The following CDC14A variants were observed in gnomAD, a reference collection of about 807,000 sequenced individuals.
CDC14A encodes cell division cycle 14A, also known as dual specificity protein phosphatase CDC14A.
Under a neutral mutation model 74.4 loss-of-function variants are expected in CDC14A, and 53 were observed. The observed-to-expected ratio is 0.71, with a 90% CI of 0.57 to 0.89. The LOEUF (loss-of-function observed/expected upper bound fraction) is 0.89. Ranked by LOEUF, CDC14A falls within the 40% of genes least tolerant of loss-of-function variation. The pLI is 0.00. For synonymous variants in CDC14A, 247 were observed against 258.4 expected (o/e 0.96, Z 0.43); for missense variants, 646 against 713.7 (o/e 0.91, Z 1.08).
chr1:100,438,155 A>G (rs1160654939), intron 5 of CDC14A, among the ~76,000 whole-genome samples: 1 of 152,190 alleles, frequency 6.6e-6, no homozygotes, highest in Non-Finnish European at 1.5e-5. Context: ...TCCTTCCTCA[A>G]AATTGTAGTG....
chr1:100,390,813 G>T lies in CDC14A; in HGVS notation c.298G>T (p.Gly100Cys), dbSNP rs1388853977. ...AAGAGCAAATGCAGCATTTTTGATA[G>T]GTGCCTATGCAGTAAGTACCTTCTT... ...RKRANAAFLI[G>C]AYAVIYLKKT... The change falls in exon 4 of 16, where the codon GGT (glycine) becomes TGT (cysteine). Residue 100 changes from glycine (G) to cysteine (C), a missense_variant. Gly to Cys is a radical substitution (Grantham distance 159). Transcript: ENST00000336454. 8 of 1,609,210 alleles carry T rather than the reference G, an allele frequency of 5.0e-6. No homozygotes were observed. The highest frequency in any genetic ancestry group is 1.3e-5 in the African/African-American group (1 of 74,754).
chr1:100,449,515 T>C (rs1665910963), intron 7 of CDC14A, among the ~76,000 whole-genome samples: 1 of 152,156 alleles, frequency 6.6e-6, no homozygotes, highest in Non-Finnish European at 1.5e-5. Flanking sequence ...CGGTGGCGGC[T>C]TCTGAGCTTT....
chr1:100,345,055 G>A (rs1269853443), exon 1 of CDC14A: 4 of 152,204 alleles, frequency 2.6e-5, no homozygotes, highest in African/African-American at 9.7e-5. Flanking sequence ...CATTGAGGAT[G>A]CCTGAATGGG....
intron 15 of CDC14A, among the ~76,000 whole-genome samples, chr1:100,511,532 C>G (rs2392163): frequency 6.6e-6 from 1 of 152,090 alleles, no homozygotes; most frequent in East Asian, 1.9e-4. Flanking sequence ...TCCCAGCTTC[C>G]TCTGGGTGTT....
chr1:100,404,385 T>C (rs972069534), intron 4 of CDC14A, among the ~76,000 whole-genome samples: 1 of 152,242 alleles, frequency 6.6e-6, no homozygotes, highest in Admixed American at 6.5e-5. Context: ...CTCTTCTGCC[T>C]TAGCTTTGCT....
At chr1:100,473,664 A>G (rs1223095108) in intron 10 of CDC14A, among the ~76,000 whole-genome samples, 2 of 152,202 alleles carry the variant, frequency 1.3e-5, no homozygotes, top group Admixed American at 1.3e-4. Flanking sequence ...CTGGGATTAC[A>G]GGTGTGAGCC....
chr1:100,357,761 A>AAT (rs1222553797), intron 2 of CDC14A, among the ~76,000 whole-genome samples: 1 of 147,212 alleles, frequency 6.8e-6, no homozygotes, highest in Admixed American at 6.9e-5. Context: ...AAAAAAAAAA[A>AAT]GAAAGAAATG....
intron 4 of CDC14A, among the ~76,000 whole-genome samples, chr1:100,412,761 A>T (rs1319944902): frequency 9.9e-6 from 1 of 101,500 alleles, no homozygotes; most frequent in Non-Finnish European, 1.9e-5. Flanking sequence ...TATTTTATAT[A>T]TATATATTAT....
intron 4 of CDC14A, among the ~76,000 whole-genome samples, chr1:100,422,903 A>G (rs962403235): frequency 1.3e-5 from 2 of 152,188 alleles, no homozygotes; most frequent in Non-Finnish European, 2.9e-5. Context: ...AGCTCAAAGA[A>G]GGTCTGTAAG....
intron 4 of CDC14A, among the ~76,000 whole-genome samples, chr1:100,421,170 G>T (rs756329982): frequency 2.3e-4 from 35 of 152,056 alleles, no homozygotes; most frequent in Admixed American, 4.6e-4. Context: ...GGAAAGTTCT[G>T]GTTTGGGTTT....
chr1:100,504,495 C>T (rs1649058308), intron 15 of CDC14A, among the ~76,000 whole-genome samples: 1 of 152,128 alleles, frequency 6.6e-6, no homozygotes, highest in African/African-American at 2.4e-5. Context: ...AGCTTTGTGT[C>T]CCAACTATTC....
At chr1:100,495,024 A>G in intron 12 of CDC14A, 94 bp downstream of exon 12, 1 of 672,626 alleles carries the variant, frequency 1.5e-6, no homozygotes, top group Non-Finnish European at 2.6e-6. Context: ...TCTGTTTTGA[A>G]TTTTGTTCTA....
intron 4 of CDC14A, chr1:100,393,908 A>C (rs1043044099): frequency 2.3e-4 from 52 of 225,076 alleles, no homozygotes; most frequent in Non-Finnish European, 4.2e-4. Flanking sequence ...GCGCCACTGC[A>C]CTCCAGCCTG....
At chr1:100,484,240 T>C in intron 10 of CDC14A, 52 bp from the exon 11 acceptor site, 1 of 1,150,292 alleles carries the variant, frequency 8.7e-7, no homozygotes, top group Non-Finnish European at 1.2e-6. Context: ...GAGTAGATTG[T>C]TTTAAAGATA....
intron 5 of CDC14A, among the ~76,000 whole-genome samples, chr1:100,432,872 T>G (rs2101104454): frequency 6.6e-6 from 1 of 152,280 alleles, no homozygotes; most frequent in African/African-American, 2.4e-5. Flanking sequence ...TTAAAGATTG[T>G]TCTATATACT....
At chr1:100,500,736 C>T (rs1174055888) in intron 15 of CDC14A, among the ~76,000 whole-genome samples, 4 of 110,964 alleles carry the variant, frequency 3.6e-5, no homozygotes, top group Admixed American at 1.2e-4. Context: ...GGTGACAGAG[C>T]CACTCTCAAA....
chr1:100,494,912 C>T lies in CDC14A; in HGVS notation c.1232C>T (p.Ser411Leu), dbSNP rs917369639. 8 of 1,603,786 alleles carry T rather than the reference C, an allele frequency of 5.0e-6. No homozygotes were observed. In the African/African-American group the frequency reaches 5.4e-5, roughly 11 times the overall value. ...AAAAGTCAGAGACAGCCACGTACCTCACCATCCTGTGCATTTAGGTAGATC... is the reference window on the plus strand; with the variant it reads ...AAAAGTCAGAGACAGCCACGTACCTTACCATCCTGTGCATTTAGGTAGATC... ...ALKSQRQPRTSPSCAFRSDDT... is the reference protein window; with the variant it reads ...ALKSQRQPRTLPSCAFRSDDT... The change falls in exon 12 of 16, where the codon TCA (serine) becomes TTA (leucine). Residue 411 changes from serine (S) to leucine (L), a missense_variant. Ser to Leu is a moderately radical substitution (Grantham distance 145). Transcript: ENST00000336454.
intron 9 of CDC14A, among the ~76,000 whole-genome samples, chr1:100,465,614 A>G (rs897871755): frequency 2.0e-4 from 30 of 152,242 alleles, no homozygotes; most frequent in Admixed American, 2.0e-3. Context: ...TTTGGTGGCT[A>G]CTGAAAAGGG....
intron 11 of CDC14A, chr1:100,484,992 A>G: frequency 1.0e-6 from 1 of 982,150 alleles, no homozygotes; most frequent in South Asian, 4.7e-5. Context: ...ATTTTATAGG[A>G]AGGAAATTGC....
Sources: gnomAD v4.1 joint callset for allele counts (sites outside exome capture counted in the v4.1 genomes callset) on GRCh38, gnomAD v4.1.1 for gene constraint, MANE v1.5 for transcripts, NCBI Gene and HGNC (gene_info 2026-07-23, HGNC 2026-07-21) for gene names.